PLEC: variants seen among roughly 807,000 people sequenced by gnomAD.
The protein encoded by PLEC is plectin, also known as hemidesmosomal protein 1.
A neutral mutation model predicts 392.8 loss-of-function variants in PLEC; 216 were observed. The ratio of observed to expected loss-of-function variants is 0.55; its 90% CI spans 0.49 to 0.62. The LOEUF is 0.62. Ranked by LOEUF, PLEC falls within the 20% of genes least tolerant of loss-of-function variation. The pLI is 0.00. For synonymous variants in PLEC, 3,621 were observed against 2,980.6 expected, an observed-to-expected ratio of 1.21 and a Z score of -7.00; for missense variants, 6,863 against 6,563.4, an observed-to-expected ratio of 1.05 and a Z score of -1.58.
intron 1 of PLEC, among the ~76,000 whole-genome samples, chr8:143,962,234 C>T (rs782679399): frequency 3.9e-4 from 60 of 152,122 alleles, no homozygotes; most frequent in African/African-American, 1.1e-3. Flanking sequence ...TGTCCTTAGA[C>T]GAGGAGAGAC....
rs781887510 is a variant in PLEC, at chr8:143,924,300, G to T, written c.5629C>A (p.Arg1877=). The T allele has an allele frequency of 1.9e-6, 3 of 1,595,206 alleles. No homozygotes were observed. The South Asian group carries it at 3.3e-5, about 18-fold the overall frequency. ...RRLAEDEAFQ[R]RRLEEQAAQH... ...GCGGCCTGCTCCTCCAGCCGCCGCC[G>T]CTGGAAGGCCTCGTCCTCCGCCAGC... The change falls in exon 31 of 32, where the codon CGG becomes AGG. Residue 1877 remains arginine (R), a synonymous_variant. Coordinates refer to ENST00000345136, the MANE Select transcript of PLEC (RefSeq NM_201384.3).
chr8:143,966,508 A>G (rs977744434), intron 1 of PLEC, among the ~76,000 whole-genome samples: 15 of 152,328 alleles, frequency 9.8e-5, no homozygotes, highest in Admixed American at 8.5e-4. Flanking sequence ...CTCCACAGCC[A>G]CCACGGGGGA....
At chr8:143,937,532 G>A in intron 3 of PLEC, 2 of 540,618 alleles carry the variant, frequency 3.7e-6, no homozygotes, top group Non-Finnish European at 3.4e-6. Flanking sequence ...GCACTAAAGG[G>A]GGGGTCCTCC....
chr8:143,927,467 G>C lies in PLEC; in HGVS notation c.3699C>G (p.Ile1233Met). 6.3e-7 allele frequency: 1 copy of C among 1,597,858 alleles called. No individual in the cohort carries two copies. The highest frequency in any genetic ancestry group is 8.5e-7 in the Non-Finnish European group (1 of 1,178,480). Residue 1233 changes from isoleucine to methionine, a missense_variant, in exon 27 of 32, where the codon ATC (isoleucine) becomes ATG (methionine). Ile to Met is a conservative substitution (Grantham distance 10). Transcript: ENST00000345136. ...LQDARRRQEQ[I>M]QAMPLADSQA... is the part of the protein sequence containing the mutation. ...GGCTGTCGGCCAGCGGCATGGCCTG[G>C]ATCTGCTCCTGCCGCCGCCTGGCGT...
chr8:143,950,600 A>C (rs1440996569), exon 1 of PLEC: 2 of 1,607,068 alleles, frequency 1.2e-6, no homozygotes, highest in Admixed American at 1.7e-5. Context: ...ATGGGGGTGC[A>C]AGCTGCGGGG....
intron 19 of PLEC, 47 bp downstream of exon 19, chr8:143,931,487 T>G: frequency 6.4e-7 from 1 of 1,554,214 alleles, no homozygotes; most frequent in Non-Finnish European, 8.7e-7. Context: ...CAGCCCAGAC[T>G]CCAGGCCAGC....
chr8:143,927,912 T>G lies in PLEC; in HGVS notation c.3341A>C (p.Glu1114Ala). The G allele has an allele frequency of 6.3e-7, 1 of 1,599,206 alleles. No individual in the cohort carries two copies. Among genetic ancestry groups the G allele is most frequent in the South Asian group, 1.1e-5 (1 of 89,054 alleles). ...GAGGGTGGCCGGCACGGCCTGGGCC[T>G]CCTTGAGCTGCTCCTCGTGGGCCCT... ...VLRAHEEQLK[E>A]AQAVPATLPE... is the part of the protein sequence containing the mutation. Residue 1114 changes from glutamate (E) to alanine (A), a missense_variant, in exon 26 of 32, where the codon GAG (glutamate) becomes GCG (alanine). Transcript: ENST00000345136.
rs782345196 is a variant in PLEC at position 143,920,152 on chromosome 8, C to A, written c.9669G>T (p.Glu3223Asp). ...SEKAARARQE[E>D]LYSELQARET... Reference sequence around the variant, plus strand: ...CACGGGCCTGCAGCTCTGAGTAGAGCTCCTCCTGCCGGGCCCGAGCAGCCT... The same window carrying A: ...CACGGGCCTGCAGCTCTGAGTAGAGATCCTCCTGCCGGGCCCGAGCAGCCT... Residue 3223 changes from glutamate (E) to aspartate (D), a missense_variant, in exon 32 of 32, where the codon GAG (glutamate) becomes GAT (aspartate). Physicochemically the swap from Glu to Asp is conservative, Grantham distance 45 (BLOSUM62 2). Transcript: ENST00000345136. 7 of 1,612,720 alleles carry A rather than the reference C, an allele frequency of 4.3e-6. No homozygotes were observed. In the East Asian group the frequency reaches 1.6e-4, roughly 36 times the overall value.
At chr8:143,949,471 G>A (rs1489908587) in intron 1 of PLEC, among the ~76,000 whole-genome samples, 1 of 152,204 alleles carries the variant, frequency 6.6e-6, no homozygotes, top group Non-Finnish European at 1.5e-5. Flanking sequence ...CAGAGCAAAG[G>A]GTCTCTGGAA....
chr8:143,927,808 C>T lies in PLEC; in HGVS notation c.3400-42G>A, dbSNP rs114047247. The T allele has an allele frequency of 6.2e-3, 9,872 of 1,580,070 alleles. 502 individuals are homozygous for T. The African/African-American group carries it at 0.12, about 19-fold the overall frequency. On this transcript the variant is annotated intron_variant, in intron 26 of 31. Coordinates refer to ENST00000345136, the MANE Select transcript of PLEC (RefSeq NM_201384.3). Reference sequence around the variant, plus strand: ...GGACATGTGCGGCTTCAGCTGGGCCCGCTGTACCCCCACCCCGCCATGAAG... The same window carrying T: ...GGACATGTGCGGCTTCAGCTGGGCCTGCTGTACCCCCACCCCGCCATGAAG...
At position 143,935,156 on chromosome 8, in the gene PLEC, G is replaced by A. The variant is rs1288483546; in HGVS notation, c.719-39C>T. 4 of 1,611,476 alleles carry A rather than the reference G, an allele frequency of 2.5e-6. No individual in the cohort carries two copies. The African/African-American group carries it at 4.0e-5, about 16-fold the overall frequency. On this transcript the variant is annotated intron_variant, in intron 7 of 31. Transcript: ENST00000345136. ...CAGCTCAGCGGTGGCTCTGGGGCAG[G>A]CAGCAGGGGAAGGGACAGGGAGGAA...
Position 143,933,311 on chromosome 8 carries a change from G to A in PLEC, c.1304C>T (p.Ala435Val), listed in dbSNP as rs782509734. Residue 435 changes from alanine to valine, a missense_variant, in exon 13 of 32, where the codon GCG (alanine) becomes GTG (valine). By Grantham distance (64) the Ala-to-Val change is moderately conservative. Transcript: ENST00000345136. Reference protein sequence around the residue: ...LLAAGKVPQRAGEVERDLDKA... With the variant: ...LLAAGKVPQRVGEVERDLDKA... Reference sequence around the variant, plus strand: ...GTCCAAGTCCCGTTCCACCTCCCCCGCCCGCTGTGGCACTTTGCCTGCAGC... The same window carrying A: ...GTCCAAGTCCCGTTCCACCTCCCCCACCCGCTGTGGCACTTTGCCTGCAGC... 2.9e-5 allele frequency: 46 copies of A among 1,612,420 alleles called. No individual in the cohort carries two copies. The highest frequency in any genetic ancestry group is 3.3e-5 in the Admixed American group (2 of 59,996).
In PLEC at chr8:143,925,994, G is replaced by A. The variant is rs184357166; in HGVS notation, c.4045-110C>T. On this transcript the variant is annotated intron_variant, in intron 30 of 31. Transcript: ENST00000345136. ...ACTCAGACAGCGCGGAGCAGGGGTC[G>A]GGGAAGACAGAGGCCCCAGCCCGGC... The A allele has an allele frequency of 8.3e-5, 104 of 1,246,000 alleles. No homozygotes were observed. In the African/African-American group the frequency reaches 1.3e-3, roughly 15 times the overall value. 77.2% of individuals were successfully genotyped at this position (1,246,000 alleles called of 1,614,324 possible). A position where few individuals can be genotyped will look rare whatever the true frequency, so the allele number is the denominator to read the frequency against.
At position 143,927,951 on chromosome 8, in the gene PLEC, G is replaced by A. The variant is rs1381530564; in HGVS notation, c.3302C>T (p.Ala1101Val). ...ISLVIRGTQG[A>V]EEVLRAHEEQ... ...CTCGTGGGCCCTGAGCACCTCCTCG[G>A]CCCCCTGCGTGCCGCGGATCACCAG... is the stretch of plus-strand genomic sequence containing the variant. The change falls in exon 26 of 32, where the codon GCC becomes GTC. Residue 1101 changes from alanine to valine, a missense_variant. Physicochemically the swap from Ala to Val is moderately conservative, Grantham distance 64 (BLOSUM62 0). Coordinates refer to ENST00000345136, the MANE Select transcript of PLEC (RefSeq NM_201384.3). 2.5e-6 allele frequency: 4 copies of A among 1,602,112 alleles called. No homozygotes were observed. The highest frequency in any genetic ancestry group is 3.4e-6 in the Non-Finnish European group (4 of 1,173,184).
intron 1 of PLEC, among the ~76,000 whole-genome samples, chr8:143,970,871 G>A (rs1209762254): frequency 4.6e-5 from 7 of 152,210 alleles, no homozygotes; most frequent in African/African-American, 2.4e-5. Context: ...TTGGCAGCTG[G>A]GCCGACTGTC....
upstream of PLEC, among the ~76,000 whole-genome samples, chr8:143,957,776 G>A (rs1554739615): frequency 6.6e-6 from 1 of 152,170 alleles, no homozygotes; most frequent in Non-Finnish European, 1.5e-5. Context: ...CCTGCCCTCA[G>A]CTTTGCTCCC....
rs1554680804 is a variant in PLEC, at chr8:143,920,155, C to T, written c.9666G>A (p.Glu3222=). 1 of 1,612,580 alleles carries T rather than the reference C, an allele frequency of 6.2e-7. No individual in the cohort carries two copies. Among genetic ancestry groups the T allele is most frequent in the African/African-American group, 1.3e-5 (1 of 74,940 alleles). ...LSEKAARARQ[E]ELYSELQARE... The stretch of plus-strand genomic sequence containing the variant: ...GGGCCTGCAGCTCTGAGTAGAGCTC[C>T]TCCTGCCGGGCCCGAGCAGCCTTTT... The change falls in exon 32 of 32, where the codon GAG becomes GAA. Residue 3222 remains glutamate, a synonymous_variant. Coordinates refer to ENST00000345136, the MANE Select transcript of PLEC (RefSeq NM_201384.3).
Position 143,927,977 on chromosome 8 carries a change from G to A in PLEC, c.3276C>T (p.Ser1092=). Residue 1092 remains serine (S), a synonymous_variant, in exon 26 of 32, where the codon AGC becomes AGT. Coordinates refer to ENST00000345136, the MANE Select transcript of PLEC (RefSeq NM_201384.3). ...AIYLEKLKTI[S]LVIRGTQGAE... ...CCCCCTGCGTGCCGCGGATCACCAG[G>A]CTGATGGTCTTGAGCCTGGCGGGAA... The A allele has an allele frequency of 6.3e-7, 1 of 1,599,800 alleles. No homozygotes were observed. Among genetic ancestry groups the A allele is most frequent in the Admixed American group, 1.7e-5 (1 of 59,606 alleles).
chr8:143,932,535 G>C lies in PLEC; in HGVS notation c.1842C>G (p.Ser614=). The part of the protein sequence containing the change: ...LLNSSKARLR[S]LESLHSFVAA... ...CCACAAAGCTGTGCAAGCTCTCCAG[G>C]GACCTGAGGCGGGCCTTGGAGGAGT... Residue 614 remains serine, a synonymous_variant, in exon 16 of 32, where the codon TCC becomes TCG. Coordinates refer to ENST00000345136, the MANE Select transcript of PLEC (RefSeq NM_201384.3). 1 of 1,612,628 alleles carries C rather than the reference G, an allele frequency of 6.2e-7. No homozygotes were observed.
Sources: gnomAD v4.1 joint callset for allele counts (sites outside exome capture counted in the v4.1 genomes callset) on GRCh38, gnomAD v4.1.1 for gene constraint, MANE v1.5 for transcripts, NCBI Gene and HGNC (gene_info 2026-07-23, HGNC 2026-07-21) for gene names.